Variants in E2F5 observed in about 807,000 individuals in gnomAD.
E2F5 encodes the protein transcription factor E2F5.
Under a neutral mutation model 39.1 loss-of-function variants are expected in E2F5, and 23 were observed. The observed-to-expected ratio is 0.59, with a 90% confidence interval of 0.42 to 0.83. The LOEUF (loss-of-function observed/expected upper bound fraction) is 0.83. Among genes scored for constraint, E2F5 ranks in the 40% least tolerant of loss-of-function variants. E2F5 has a pLI of 0.00. For synonymous variants in E2F5, 145 were observed against 157.8 expected, an observed-to-expected ratio of 0.92 and a Z score of 0.61; for missense variants, 365 against 406.7, an observed-to-expected ratio of 0.90 and a Z score of 0.88.
intron 3 of E2F5, 82 bp downstream of exon 3, chr8:85,203,337 CTT>C: frequency 1.6e-6 from 2 of 1,215,408 alleles, no homozygotes; most frequent in South Asian, 5.9e-5. Flanking sequence ...AGATCATTCA[CTT>C]TGTTTTTAGA....
chr8:85,206,299 T>A (rs762294144), intron 4 of E2F5, 79 bp downstream of exon 4: 7 of 1,353,884 alleles, frequency 5.2e-6, no homozygotes, highest in Non-Finnish European at 7.3e-6. Context: ...CCCTGTGTCC[T>A]CATCCTGTCA....
Position 85,212,158 on chromosome 8 carries a change from A to G in E2F5, c.885A>G (p.Ala295=). ...ACAAAACTTTATTACTGTTTCCAGC[A>G]GGATCTATTAGTGGAGATATCATTG... ...QQTSATDISS[A]GSISGDIIDE... is the part of the protein sequence containing the mutation. The change falls in exon 7 of 8, where the codon GCA becomes GCG. Residue 295 remains alanine (A), a splice_region_variant and synonymous_variant. Coordinates refer to ENST00000416274, the MANE Select transcript of E2F5 (RefSeq NM_001951.4). The G allele has an allele frequency of 6.2e-7, 1 of 1,609,228 alleles. No individual in the cohort carries two copies. The highest frequency in any genetic ancestry group is 8.5e-7 in the Non-Finnish European group (1 of 1,177,428).
intron 1 of E2F5, among the ~76,000 whole-genome samples, chr8:85,200,505 G>A (rs1384899970): frequency 6.6e-6 from 1 of 152,166 alleles, no homozygotes; most frequent in Admixed American, 6.5e-5. Flanking sequence ...AATGACCTAA[G>A]CTAGATCTTG....
At chr8:85,201,154 T>C (rs1225908429) in intron 1 of E2F5, among the ~76,000 whole-genome samples, 4 of 152,356 alleles carry the variant, frequency 2.6e-5, no homozygotes, top group Non-Finnish European at 1.5e-5. Flanking sequence ...AACACTGTGC[T>C]GAGCTAGGTT....
intron 7 of E2F5, 134 bp from the exon 8 acceptor site, chr8:85,213,619 C>A: frequency 5.7e-6 from 2 of 350,840 alleles, no homozygotes; most frequent in Non-Finnish European, 1.1e-5. Flanking sequence ...CAAATTGTTA[C>A]TAAATGAGAA....
At chr8:85,183,439 G>C (rs1812264402) in intron 1 of E2F5, among the ~76,000 whole-genome samples, 1 of 152,186 alleles carries the variant, frequency 6.6e-6, no homozygotes, top group African/African-American at 2.4e-5. Context: ...CCTCAAGAAG[G>C]TATGTATACC....
chr8:85,186,352 G>A (rs188930082), intron 1 of E2F5, among the ~76,000 whole-genome samples: 1 of 151,892 alleles, frequency 6.6e-6, no homozygotes, highest in East Asian at 1.9e-4. Context: ...AGTGGGGCCT[G>A]TTCAGGGTTG....
Position 85,209,277 on chromosome 8 carries a change from C to G in E2F5, c.751C>G (p.Gln251Glu). The G allele has an allele frequency of 6.2e-7, 1 of 1,614,016 alleles. No homozygotes were observed. Among genetic ancestry groups the G allele is most frequent in the Non-Finnish European group, 8.5e-7 (1 of 1,179,890 alleles). The change falls in exon 6 of 8, where the codon CAG becomes GAG. Residue 251 changes from glutamine (Q) to glutamate (E), a missense_variant. Physicochemically the swap from Gln to Glu is conservative, Grantham distance 29 (BLOSUM62 2). Coordinates refer to ENST00000416274, the MANE Select transcript of E2F5 (RefSeq NM_001951.4). ...TGTTCCCCCACCTGATGACCTCACA[C>G]AGCCTTCCTCCCAGTCCTTGACTCC... ...FPVPPPDDLT[Q>E]PSSQSLTPVT...
intron 3 of E2F5, among the ~76,000 whole-genome samples, chr8:85,205,669 C>G (rs531648723): frequency 2.0e-5 from 3 of 152,336 alleles, no homozygotes; most frequent in Admixed American, 2.0e-4. Context: ...CTCCTGACCA[C>G]CTTGTTGTCT....
At chr8:85,185,402 TA>T (rs1371704935) in intron 1 of E2F5, among the ~76,000 whole-genome samples, 2 of 152,054 alleles carry the variant, frequency 1.3e-5, no homozygotes, top group African/African-American at 2.4e-5. Context: ...CCTGAAACCA[TA>T]AAAATCCTAG....
chr8:85,177,331 G>A lies in E2F5; in HGVS notation c.-90G>A, dbSNP rs1158669370. 4 of 958,218 alleles carry A rather than the reference G, an allele frequency of 4.2e-6. No homozygotes were observed. The East Asian group carries it at 4.6e-4, about 110-fold the overall frequency. 59.4% of individuals were successfully genotyped at this position (958,218 alleles called of 1,614,324 possible). A position where few individuals can be genotyped will look rare whatever the true frequency, so the allele number is the denominator to read the frequency against. ...ACCGCTCTCGGCGGGCGGGGAAGCG[G>A]CCGCAGCGGAGCCGACCCGGCAGGT... On this transcript the variant is annotated 5_prime_UTR_variant, in exon 1 of 8. Coordinates refer to ENST00000416274, the MANE Select transcript of E2F5 (RefSeq NM_001951.4).
intron 5 of E2F5, among the ~76,000 whole-genome samples, chr8:85,208,165 C>T (rs1812836498): frequency 6.6e-6 from 1 of 152,080 alleles, no homozygotes; most frequent in Non-Finnish European, 1.5e-5. Context: ...CCCATCTCTA[C>T]TAAAAATACA....
At chr8:85,201,139 T>G (rs1812689862) in intron 1 of E2F5, among the ~76,000 whole-genome samples, 1 of 152,174 alleles carries the variant, frequency 6.6e-6, no homozygotes, top group Non-Finnish European at 1.5e-5. Context: ...CAGGTCCAGA[T>G]TGCAAACACT....
intron 6 of E2F5, among the ~76,000 whole-genome samples, chr8:85,211,213 CTA>C (rs1812912246): frequency 7.2e-6 from 1 of 138,804 alleles, no homozygotes; most frequent in Non-Finnish European, 1.6e-5. Context: ...CAGTGAGACC[CTA>C]TCTCTAAAAA....
chr8:85,177,752 C>G, intron 1 of E2F5, 98 bp downstream of exon 1: 1 of 1,141,192 alleles, frequency 8.8e-7, no homozygotes, highest in Non-Finnish European at 1.1e-6. Flanking sequence ...GTGGTGTAGA[C>G]GCGCCTTGCG....
intron 1 of E2F5, among the ~76,000 whole-genome samples, chr8:85,188,224 A>ATGC (rs991153097): frequency 1.6e-4 from 25 of 151,542 alleles, no homozygotes; most frequent in African/African-American, 6.1e-4. Context: ...TTCTGTGATG[A>ATGC]TGCTGCATAA....
chr8:85,187,439 T>C (rs1051357055), intron 1 of E2F5, among the ~76,000 whole-genome samples: 15 of 152,172 alleles, frequency 9.9e-5, no homozygotes, highest in South Asian at 6.2e-4. Flanking sequence ...TTCAGATTTA[T>C]TAATGTTTTC....
intron 1 of E2F5, among the ~76,000 whole-genome samples, chr8:85,200,711 C>T (rs1056336406): frequency 6.6e-6 from 1 of 152,086 alleles, no homozygotes; most frequent in African/African-American, 2.4e-5. Flanking sequence ...ACTTTGCAGT[C>T]GTGTATTGCT....
chr8:85,203,972 A>G (rs1284777900), intron 3 of E2F5, among the ~76,000 whole-genome samples: 1 of 151,716 alleles, frequency 6.6e-6, no homozygotes, highest in Admixed American at 6.6e-5. Context: ...CTGTACTCTT[A>G]AAGAAACTAA....
Sources: allele counts gnomAD v4.1 joint callset (sites outside exome capture counted in the v4.1 genomes callset), GRCh38; gene constraint gnomAD v4.1.1; transcripts MANE v1.5; gene names NCBI Gene and HGNC (gene_info 2026-07-23, HGNC 2026-07-21).